KCNK10: variants seen among roughly 807,000 people sequenced by gnomAD.
The protein encoded by KCNK10 is potassium channel subfamily K member 10.
KCNK10 carries 25 observed loss-of-function variants against 47.7 expected under a neutral mutation model. The ratio of observed to expected loss-of-function variants is 0.52; its 90% confidence interval spans 0.38 to 0.73. The LOEUF is 0.73. KCNK10 is among the 30% of genes least tolerant of loss of function. The pLI is 0.00. For synonymous variants in KCNK10, 303 were observed against 285.6 expected (o/e 1.06, Z -0.61); for missense variants, 563 against 714.5 (o/e 0.79, Z 2.42).
chr14:88,192,689 C>T (rs1884788715), intron 4 of KCNK10, among the ~76,000 whole-genome samples: 1 of 152,170 alleles, frequency 6.6e-6, no homozygotes, highest in African/African-American at 2.4e-5. Context: ...TTGAATGTTT[C>T]TTGCATGGTT....
chr14:88,304,474 T>G (rs920475703), intron 1 of KCNK10, among the ~76,000 whole-genome samples: 2 of 152,218 alleles, frequency 1.3e-5, no homozygotes, highest in Non-Finnish European at 2.9e-5. Flanking sequence ...AAATCAATAT[T>G]CATGGTGTTC....
chr14:88,183,432 G>A lies in KCNK10; in HGVS notation c.*2103C>T, dbSNP rs1227884015. ...ACCAAATAAGTGAGATCCATGGACAGTTTAATTAGGAAGCTTCGACTTGTT... is the reference window on the plus strand; with the variant it reads ...ACCAAATAAGTGAGATCCATGGACAATTTAATTAGGAAGCTTCGACTTGTT... On this transcript the variant is annotated 3_prime_UTR_variant, in exon 7 of 7. Transcript: ENST00000319231. 6.6e-6 allele frequency: 1 copy of A among 152,428 alleles called. No individual in the cohort carries two copies. Among genetic ancestry groups the A allele is most frequent in the Non-Finnish European group, 1.5e-5 (1 of 68,062 alleles). 9.4% of individuals were successfully genotyped at this position (152,428 alleles called of 1,614,324 possible).
intron 4 of KCNK10, among the ~76,000 whole-genome samples, chr14:88,210,372 A>G (rs1385122376): frequency 6.6e-6 from 1 of 152,252 alleles, no homozygotes; most frequent in African/African-American, 2.4e-5. Context: ...ATATCCCTAT[A>G]GTGTTGAGAA....
At chr14:88,200,485 A>G (rs1566682706) in intron 4 of KCNK10, among the ~76,000 whole-genome samples, 1 of 152,172 alleles carries the variant, frequency 6.6e-6, no homozygotes, top group Non-Finnish European at 1.5e-5. Context: ...TAAAAAGAAA[A>G]TGGAGAGAAG....
rs754733205 is a variant in KCNK10, at chr14:88,185,301, G to A, written c.*234C>T. 3.4e-5 allele frequency: 19 copies of A among 556,056 alleles called. No individual in the cohort carries two copies. Among genetic ancestry groups the A allele is most frequent in the Middle Eastern group, 5.0e-4 (1 of 2,004 alleles). 34.4% of individuals were successfully genotyped at this position (556,056 alleles called of 1,614,324 possible). ...AACATGTACGGCCAGAACCGGCTAC[G>A]TGCACGGACACTCTTGGTGTGTCCT... On this transcript the variant is annotated 3_prime_UTR_variant, in exon 7 of 7. Coordinates refer to ENST00000319231, the MANE Select transcript of KCNK10 (RefSeq NM_138317.3). This position sits in a 1 kb window ranked among gnomAD's most constrained non-coding sequence, Gnocchi z 4.3.
At chr14:88,278,401 T>C (rs915330189) in intron 1 of KCNK10, among the ~76,000 whole-genome samples, 5 of 152,202 alleles carry the variant, frequency 3.3e-5, no homozygotes, top group Admixed American at 1.3e-4. Flanking sequence ...TGTGAACATA[T>C]TTCCATTCAA....
chr14:88,276,782 T>C (rs1887534934), intron 1 of KCNK10, among the ~76,000 whole-genome samples: 1 of 152,252 alleles, frequency 6.6e-6, no homozygotes, highest in Non-Finnish European at 1.5e-5. Context: ...CAGTCCACCA[T>C]TTCCTTCTTC....
intron 4 of KCNK10, among the ~76,000 whole-genome samples, chr14:88,210,000 T>C (rs1422534987): frequency 6.6e-6 from 1 of 152,206 alleles, no homozygotes; most frequent in African/African-American, 2.4e-5. Context: ...TGATGTGAAA[T>C]ATACAAGCTA....
intron 1 of KCNK10, among the ~76,000 whole-genome samples, chr14:88,309,340 A>C (rs1888265013): frequency 6.6e-6 from 1 of 152,170 alleles, no homozygotes; most frequent in African/African-American, 2.4e-5. Flanking sequence ...GGTGGCTCAC[A>C]CCGGTAATTC....
chr14:88,208,755 G>A (rs764012101), intron 4 of KCNK10, among the ~76,000 whole-genome samples: 49 of 152,096 alleles, frequency 3.2e-4, no homozygotes, highest in Admixed American at 7.9e-4. Flanking sequence ...TTAACCACAT[G>A]ATATCTATTC....
intron 1 of KCNK10, among the ~76,000 whole-genome samples, chr14:88,268,915 A>C (rs1262134577): frequency 6.6e-6 from 1 of 152,206 alleles, no homozygotes; most frequent in East Asian, 1.9e-4. Flanking sequence ...TAATCCCAGC[A>C]CTTTGGGAGG....
At chr14:88,252,389 A>G (rs1156823810) in intron 2 of KCNK10, among the ~76,000 whole-genome samples, 2 of 152,206 alleles carry the variant, frequency 1.3e-5, no homozygotes, top group African/African-American at 2.4e-5. Flanking sequence ...AGTTTGTTGA[A>G]TGAAAGAATG....
chr14:88,240,153 A>G (rs146789020), intron 3 of KCNK10, among the ~76,000 whole-genome samples: 1 of 152,150 alleles, frequency 6.6e-6, no homozygotes, highest in Non-Finnish European at 1.5e-5. Context: ...AGGCAGGAAG[A>G]AGGAACTAAC....
chr14:88,189,625 C>T (rs1453394636), intron 5 of KCNK10, among the ~76,000 whole-genome samples: 1 of 152,116 alleles, frequency 6.6e-6, no homozygotes, highest in East Asian at 1.9e-4. Flanking sequence ...TCTGTGTGTG[C>T]TCCCAGACAG....
chr14:88,199,117 G>A (rs1176308639), intron 4 of KCNK10, among the ~76,000 whole-genome samples: 4 of 151,794 alleles, frequency 2.6e-5, no homozygotes, highest in African/African-American at 7.3e-5. Flanking sequence ...ATGGGGTTTC[G>A]CCATGTTGGC....
intron 1 of KCNK10, among the ~76,000 whole-genome samples, chr14:88,281,761 C>T (rs1020064371): frequency 4.7e-5 from 7 of 147,852 alleles, no homozygotes; most frequent in African/African-American, 1.8e-4. Flanking sequence ...TACACATACA[C>T]ACACACACAT....
intron 1 of KCNK10, among the ~76,000 whole-genome samples, chr14:88,263,966 A>T (rs1480833437): frequency 1.3e-5 from 2 of 152,226 alleles, no homozygotes; most frequent in African/African-American, 4.8e-5. Flanking sequence ...GAGAGGGATA[A>T]CCAACTACTC....
At position 88,221,066 on chromosome 14, in the gene KCNK10, C is replaced by T. The variant is rs1312399405; in HGVS notation, c.681+6309G>A. 4.6e-5 allele frequency among the ~76,000 whole-genome samples: 7 copies of T among 152,054 alleles called. No homozygotes were observed. In the East Asian group the frequency reaches 1.2e-3, roughly 25 times the overall value. ...CCTGTAATCCCAGCACTCTGGGAGA[C>T]CGAGGCAGGTGGATCACCTGAGGTC... On this transcript the variant is annotated intron_variant, in intron 4 of 6. Coordinates refer to ENST00000319231, the MANE Select transcript of KCNK10 (RefSeq NM_138317.3).
chr14:88,296,846 A>G (rs972115717), intron 1 of KCNK10, among the ~76,000 whole-genome samples: 2 of 152,248 alleles, frequency 1.3e-5, no homozygotes, highest in African/African-American at 2.4e-5. Flanking sequence ...ACATCGGCCA[A>G]AGCATGGTAC....
Sources: gnomAD v4.1 joint callset for allele counts (sites outside exome capture counted in the v4.1 genomes callset) on GRCh38, gnomAD v4.1.1 for gene constraint, Gnocchi (gnomAD v3.1) non-coding constraint, MANE v1.5 for transcripts, NCBI Gene and HGNC (gene_info 2026-07-23, HGNC 2026-07-21) for gene names.